PPM1N: variants seen among roughly 807,000 people sequenced by gnomAD.
The protein encoded by PPM1N is protein phosphatase, Mg2+/Mn2+ dependent 1N (putative).
In PPM1N, 35 loss-of-function variants were observed where a neutral mutation model predicts 32.6. The ratio of observed to expected loss-of-function variants is 1.07; its 90% CI spans 0.82 to 1.43. The LOEUF (loss-of-function observed/expected upper bound fraction) is 1.43, where lower values mean the gene tolerates loss of function less well. PPM1N is among the 40% of genes most tolerant of loss of function. The pLI is 0.00. For missense variants in PPM1N, 648 were observed against 606.6 expected (o/e 1.07, Z -0.72); for synonymous variants, 275 against 270.5 (o/e 1.02, Z -0.16).
rs998189150 is a variant in PPM1N at position 45,502,232 on chromosome 19, C to G, written c.*147C>G. ...AAAATGCTTATTTCTTCTTCTCTTA[C>G]TTCCCTCTCACAGAAAAGTCTTACG... On this transcript the variant is annotated 3_prime_UTR_variant, in exon 5 of 5. Transcript: ENST00000451287. 6.2e-6 allele frequency: 3 copies of G among 480,362 alleles called. No homozygotes were observed. Among genetic ancestry groups the G allele is most frequent in the Middle Eastern group, 6.0e-4 (2 of 3,316 alleles). The allele number at this position is 480,362 out of a possible 1,614,324, so 29.8% of individuals were successfully genotyped here.
Position 45,498,804 on chromosome 19 carries a change from C to T in PPM1N, c.332C>T (p.Ala111Val), listed in dbSNP as rs1194212247. The stretch of plus-strand genomic sequence containing the variant: ...GACGGCCACGGTGGGGCTCGAGCTG[C>T]CCGCTTCGGTGCACGCCATTTGCCA... ...VLDGHGGARA[A>V]RFGARHLPGH... Residue 111 changes from alanine (A) to valine (V), a missense_variant, in exon 1 of 5, where the codon GCC (alanine) becomes GTC (valine). Coordinates refer to ENST00000451287, the MANE Select transcript of PPM1N (RefSeq NM_001080401.2). The T allele has an allele frequency of 1.3e-6, 2 of 1,548,782 alleles. No homozygotes were observed. The highest frequency in any genetic ancestry group is 1.4e-5 in the African/African-American group (1 of 71,286).
At position 45,502,307 on chromosome 19, in the gene PPM1N, C is replaced by A. The variant is rs1968427722; in HGVS notation, c.*222C>A. 1.0e-4 allele frequency: 3 copies of A among 29,580 alleles called. No individual in the cohort carries two copies. The highest frequency in any genetic ancestry group is 6.1e-4 in the Admixed American group (1 of 1,636). The allele number at this position is 29,580 out of a possible 1,614,324, so 1.8% of individuals were successfully genotyped here. A position where few individuals can be genotyped will look rare whatever the true frequency, so the allele number is the denominator to read the frequency against. On this transcript the variant is annotated 3_prime_UTR_variant, in exon 5 of 5. Coordinates refer to ENST00000451287, the MANE Select transcript of PPM1N (RefSeq NM_001080401.2). ...AGACCAAAAAGAAAAAAGCCCAAAT[C>A]GAAAAAAAAAAAAAAAAAAAAAAAA...
chr19:45,499,928 C>T, intron 1 of PPM1N, 21 bp from the exon 2 acceptor site: 3 of 1,557,834 alleles, frequency 1.9e-6, no homozygotes, highest in Non-Finnish European at 2.6e-6. Context: ...CACCGGGCTC[C>T]TTTTTCTCCA....
chr19:45,499,521 A>T, intron 1 of PPM1N, 110 bp downstream of exon 1: 1 of 1,555,336 alleles, frequency 6.4e-7, no homozygotes, highest in Non-Finnish European at 8.7e-7. Flanking sequence ...AAGCTAGCAA[A>T]GGAGGGGATA....
chr19:45,498,490 C>T lies in PPM1N; in HGVS notation c.18C>T (p.Arg6=). The T allele has an allele frequency of 7.4e-7, 1 of 1,355,766 alleles. No homozygotes were observed. The highest frequency in any genetic ancestry group is 3.1e-5 in the East Asian group (1 of 32,496). 84.0% of individuals were successfully genotyped at this position (1,355,766 alleles called of 1,614,324 possible). Residue 6 remains arginine (R), a synonymous_variant, in exon 1 of 5, where the codon CGC becomes CGT. Transcript: ENST00000451287. ...GCTGAAGGATGGCGGTCCTGGCCCG[C>T]CAGCTGCAGCGTCTCCTCTGGACCG... MAVLA[R]QLQRLLWTAC...
chr19:45,498,751 C>T lies in PPM1N; in HGVS notation c.279C>T (p.Pro93=). 1.3e-6 allele frequency: 2 copies of T among 1,558,240 alleles called. No homozygotes were observed. The highest frequency in any genetic ancestry group is 3.8e-5 in the Admixed American group (2 of 52,442). ...CTTGGCTTTCGTTACCTGGTCTGCC[C>T]CCGGGCTGGGCCTTGTTTGCCGTCC... ...HCTWLSLPGL[P]PGWALFAVLD... is the part of the protein sequence containing the mutation. Residue 93 remains proline, a synonymous_variant, in exon 1 of 5, where the codon CCC becomes CCT. Coordinates refer to ENST00000451287, the MANE Select transcript of PPM1N (RefSeq NM_001080401.2).
Position 45,499,987 on chromosome 19 carries a change from C to T in PPM1N, c.978C>T (p.Phe326=), listed in dbSNP as rs1968384871. ...LDNMTCILVC[F]PGAPRPSEEA... The stretch of plus-strand genomic sequence containing the variant: ...ACATGACCTGCATCCTGGTCTGCTT[C>T]CCTGGGGCCCCTAGGCCTTCTGAGG... Residue 326 remains phenylalanine, a synonymous_variant, in exon 2 of 5, where the codon TTC becomes TTT. Coordinates refer to ENST00000451287, the MANE Select transcript of PPM1N (RefSeq NM_001080401.2). The T allele has an allele frequency of 6.2e-7, 1 of 1,602,314 alleles. No individual in the cohort carries two copies. The highest frequency in any genetic ancestry group is 8.5e-7 in the Non-Finnish European group (1 of 1,174,202).
At chr19:45,500,800 G>A in intron 4 of PPM1N, 90 bp downstream of exon 4, 1 of 965,978 alleles carries the variant, frequency 1.0e-6, no homozygotes, top group South Asian at 1.4e-5. Context: ...AAGCCAGTGA[G>A]GATAAGGGAT....
chr19:45,501,858 G>C (rs1173761702), intron 4 of PPM1N, among the ~76,000 whole-genome samples, 159 bp from the exon 5 acceptor site: 1 of 152,158 alleles, frequency 6.6e-6, no homozygotes, highest in East Asian at 1.9e-4. Context: ...CACTGTGTCT[G>C]ATTGGCCAGG....
At chr19:45,500,400 G>C (rs1599920797) in intron 2 of PPM1N, 56 bp from the exon 3 acceptor site, 1 of 1,480,090 alleles carries the variant, frequency 6.8e-7, no homozygotes, top group East Asian at 2.4e-5. Flanking sequence ...CTCCCAAAGT[G>C]CTGGGATTAC....
chr19:45,498,570 A>C lies in PPM1N; in HGVS notation c.98A>C (p.Glu33Ala). Residue 33 changes from glutamate to alanine, a missense_variant, in exon 1 of 5, where the codon GAG becomes GCG. Coordinates refer to ENST00000451287, the MANE Select transcript of PPM1N (RefSeq NM_001080401.2). ...KEGREEEEEE[E>A]AGRRAPEGPR... ...GGGAGGGAGGAAGAGGAGGAGGAGG[A>C]GGCGGGGCGCAGGGCCCCCGAAGGG... is the stretch of plus-strand genomic sequence containing the variant. 1 of 1,459,186 alleles carries C rather than the reference A, an allele frequency of 6.9e-7. No individual in the cohort carries two copies. The highest frequency in any genetic ancestry group is 1.4e-5 in the South Asian group (1 of 72,752). 90.4% of individuals were successfully genotyped at this position (1,459,186 alleles called of 1,614,324 possible).
In PPM1N at chr19:45,498,449, C is replaced by A. The variant is rs375845106; in HGVS notation, c.-24C>A. 3.8e-6 allele frequency: 5 copies of A among 1,329,596 alleles called. No homozygotes were observed. The highest frequency in any genetic ancestry group is 3.1e-5 in the East Asian group (1 of 32,218). 82.4% of individuals were successfully genotyped at this position (1,329,596 alleles called of 1,614,324 possible). A position where few individuals can be genotyped will look rare whatever the true frequency, so the allele number is the denominator to read the frequency against. On this transcript the variant is annotated 5_prime_UTR_variant, in exon 1 of 5. Transcript: ENST00000451287. Reference sequence around the variant, plus strand: ...GGGCGGGCAGGTGTACAGGGTGGAGCCTTCCTGATCCCAGGGCTGAAGGAT... The same window carrying A: ...GGGCGGGCAGGTGTACAGGGTGGAGACTTCCTGATCCCAGGGCTGAAGGAT...
At chr19:45,500,101 GTTGGCCAGTGAAGGCTGT>G in intron 2 of PPM1N, 35 bp downstream of exon 2, 1 of 1,554,816 alleles carries the variant, frequency 6.4e-7, no homozygotes, top group Non-Finnish European at 8.7e-7. Flanking sequence ...TGGAGGGGTG[GTTGGCCAGTGAAGGCTGT>G]GCCATAACTT....
intron 2 of PPM1N, 83 bp downstream of exon 2, chr19:45,500,149 T>C (rs1353913586): frequency 6.8e-7 from 1 of 1,471,756 alleles, no homozygotes; most frequent in Non-Finnish European, 9.0e-7. Context: ...TTCTTTTTTT[T>C]TTTGAGATGG....
rs1015952284 is a variant in PPM1N at position 45,500,491 on chromosome 19, A to T, written c.1093A>T (p.Asn365Tyr). 2.5e-6 allele frequency: 4 copies of T among 1,611,094 alleles called. No homozygotes were observed. In the African/African-American group the frequency reaches 4.0e-5, roughly 16 times the overall value. Residue 365 changes from asparagine (N) to tyrosine (Y), a missense_variant, in exon 3 of 5, where the codon AAC (asparagine) becomes TAC (tyrosine). Transcript: ENST00000451287. ...CASAQKPPSL[N>Y]TVFRTLASED... is the part of the protein sequence containing the mutation. The stretch of plus-strand genomic sequence containing the variant: ...CTCTGCTCAGAAGCCCCCCAGCCTG[A>T]ACACAGTTTTCAGGACTCTGGCCTC...
In PPM1N at chr19:45,500,548, G is replaced by A. The variant is rs1414001952; in HGVS notation, c.1150G>A (p.Gly384Arg). 1 of 1,610,088 alleles carries A rather than the reference G, an allele frequency of 6.2e-7. No homozygotes were observed. Among genetic ancestry groups the A allele is most frequent in the East Asian group, 2.2e-5 (1 of 44,826 alleles). Residue 384 changes from glycine to arginine, a missense_variant, in exon 3 of 5, where the codon GGG becomes AGG. Transcript: ENST00000451287. ...CATCCCAGATTTACCTCCTGGGGGAGGGCTGGACTGCAAGTGAGTTGGGGT... is the reference window on the plus strand; with the variant it reads ...CATCCCAGATTTACCTCCTGGGGGAAGGCTGGACTGCAAGTGAGTTGGGGT... ...EDIPDLPPGG[G>R]LDCKATVIAE...
At chr19:45,499,800 G>C (rs901928413) in intron 1 of PPM1N, 149 bp from the exon 2 acceptor site, 23 of 1,496,920 alleles carry the variant, frequency 1.5e-5, no homozygotes, top group Non-Finnish European at 2.1e-5. Context: ...GACCGGGTTT[G>C]GTCCCAGTAA....
At chr19:45,500,878 CTTTT>C (rs1968404111) in intron 4 of PPM1N, among the ~76,000 whole-genome samples, 168 bp downstream of exon 4, 1 of 151,014 alleles carries the variant, frequency 6.6e-6, no homozygotes, top group Non-Finnish European at 1.5e-5. Context: ...TCCTTCCTTT[CTTTT>C]CTCTCTCTCT....
chr19:45,502,192 C>G lies in PPM1N; in HGVS notation c.*107C>G. 1.2e-6 allele frequency: 1 copy of G among 847,896 alleles called. No individual in the cohort carries two copies. Among genetic ancestry groups the G allele is most frequent in the Non-Finnish European group, 1.9e-6 (1 of 521,260 alleles). 52.5% of individuals were successfully genotyped at this position (847,896 alleles called of 1,614,324 possible). ...CATGTACCAGCGGAAGGAAGGAAGG[C>G]CAATGTAGGAACCCAAAATGCTTAT... On this transcript the variant is annotated 3_prime_UTR_variant, in exon 5 of 5. Transcript: ENST00000451287.
Sources: allele counts gnomAD v4.1 joint callset (sites outside exome capture counted in the v4.1 genomes callset), GRCh38; gene constraint gnomAD v4.1.1; transcripts MANE v1.5; gene names NCBI Gene and HGNC (gene_info 2026-07-23, HGNC 2026-07-21).